Variants in NPAS3 observed in about 807,000 individuals in gnomAD.
NPAS3 encodes neuronal PAS domain-containing protein 3.
A neutral mutation model predicts 73.1 loss-of-function variants in NPAS3; 14 were observed. The ratio of observed to expected loss-of-function variants is 0.19; its 90% CI spans 0.13 to 0.30. NPAS3 has a LOEUF of 0.30. Ranked by LOEUF, NPAS3 falls within the 10% of genes least tolerant of loss-of-function variation. The pLI is 1.00. For missense variants in NPAS3, 1,096 were observed against 1,250.0 expected, an observed-to-expected ratio of 0.88 and a Z score of 1.86; for synonymous variants, 620 against 541.5, an observed-to-expected ratio of 1.14 and a Z score of -2.01.
intron 1 of NPAS3, among the ~76,000 whole-genome samples, chr14:33,048,540 C>G (rs1423813164): frequency 6.6e-6 from 1 of 152,200 alleles, no homozygotes; most frequent in Non-Finnish European, 1.5e-5. Flanking sequence ...GGACTCCCAC[C>G]AATCCCCATT....
chr14:33,746,171 T>TTTTA (rs528860081), intron 7 of NPAS3, among the ~76,000 whole-genome samples: 4,347 of 144,422 alleles, frequency 0.03, 107 homozygotes, highest in African/African-American at 0.057. Flanking sequence ...TTTTATTTTA[T>TTTTA]TTTATTTATT....
chr14:32,948,548 TC>T (rs1450562956), intron 1 of NPAS3, among the ~76,000 whole-genome samples: 2 of 152,106 alleles, frequency 1.3e-5, no homozygotes, highest in East Asian at 3.9e-4. Flanking sequence ...TCTCTGGAAA[TC>T]AGCAGCCATC....
At chr14:32,983,294 A>G (rs2139414625) in intron 1 of NPAS3, among the ~76,000 whole-genome samples, 1 of 152,280 alleles carries the variant, frequency 6.6e-6, no homozygotes, top group East Asian at 1.9e-4. Context: ...GACTATAAAA[A>G]TTCTCCCACT....
intron 3 of NPAS3, among the ~76,000 whole-genome samples, chr14:33,329,026 G>A (rs565784642): frequency 1.3e-5 from 2 of 151,344 alleles, no homozygotes; most frequent in African/African-American, 4.9e-5. Context: ...ATTTTTTTTG[G>A]CATTAATTTT....
chr14:33,540,692 C>A (rs755834239), intron 4 of NPAS3, among the ~76,000 whole-genome samples: 1 of 152,150 alleles, frequency 6.6e-6, no homozygotes, highest in Non-Finnish European at 1.5e-5. Context: ...CTTCAACCTC[C>A]CTCGTTCTAG....
intron 2 of NPAS3, among the ~76,000 whole-genome samples, chr14:33,159,657 C>G (rs562020034): frequency 6.6e-6 from 1 of 151,508 alleles, no homozygotes; most frequent in Non-Finnish European, 1.5e-5. Flanking sequence ...GGATTCACAC[C>G]ATTCTCCTGC....
chr14:33,555,975 T>A (rs1230624876), intron 4 of NPAS3, among the ~76,000 whole-genome samples: 1 of 151,912 alleles, frequency 6.6e-6, no homozygotes, highest in Non-Finnish European at 1.5e-5. Flanking sequence ...CCTACCAAAT[T>A]GGCCGTTATT....
At chr14:33,736,046 G>A (rs574062022) in intron 7 of NPAS3, among the ~76,000 whole-genome samples, 9 of 152,264 alleles carry the variant, frequency 5.9e-5, no homozygotes, top group South Asian at 2.1e-4. Flanking sequence ...TTTGGCAACC[G>A]GAATCTTATC....
intron 3 of NPAS3, among the ~76,000 whole-genome samples, chr14:33,306,066 A>G (rs2042741625): frequency 6.6e-6 from 1 of 152,160 alleles, no homozygotes; most frequent in Non-Finnish European, 1.5e-5. Flanking sequence ...TGTTTCCCCC[A>G]TATTCTTAAG....
chr14:33,290,363 A>G (rs1273743787), intron 3 of NPAS3, among the ~76,000 whole-genome samples: 1 of 152,218 alleles, frequency 6.6e-6, no homozygotes, highest in African/African-American at 2.4e-5. Context: ...CCTAGGAAAT[A>G]CGGCAAAACT....
intron 4 of NPAS3, among the ~76,000 whole-genome samples, chr14:33,449,759 T>TC (rs545448435): frequency 3.3e-5 from 5 of 152,026 alleles, no homozygotes; most frequent in South Asian, 2.1e-4. Context: ...CCTCTTTTAT[T>TC]CCCCCCCAGG....
chr14:33,507,922 G>A (rs554076705), intron 4 of NPAS3, among the ~76,000 whole-genome samples: 1 of 152,044 alleles, frequency 6.6e-6, no homozygotes, highest in South Asian at 2.1e-4. Flanking sequence ...ATATGTGGGT[G>A]TGTCTCTGTC....
intron 5 of NPAS3, among the ~76,000 whole-genome samples, chr14:33,592,126 A>G (rs2057090285): frequency 6.6e-6 from 1 of 152,142 alleles, no homozygotes; most frequent in South Asian, 2.1e-4. Flanking sequence ...ACCCCCTCCA[A>G]TTTGATGTGG....
At chr14:33,114,553 T>C (rs930186113) in intron 2 of NPAS3, among the ~76,000 whole-genome samples, 1 of 152,128 alleles carries the variant, frequency 6.6e-6, no homozygotes, top group African/African-American at 2.4e-5. Context: ...GGGTACTTCT[T>C]ATAAGAGTCA....
rs1262415449 is a variant in NPAS3, at chr14:33,055,765, A to G, written c.51-140A>G. ...AGTGGAAGTTAATGTTCTAAAATGTATGTACACATTGCAATTGTGTGTAGA... is the reference window on the plus strand; with the variant it reads ...AGTGGAAGTTAATGTTCTAAAATGTGTGTACACATTGCAATTGTGTGTAGA... On this transcript the variant is annotated intron_variant, in intron 1 of 11. Coordinates refer to ENST00000356141, the Ensembl canonical transcript of NPAS3. 5 of 550,046 alleles carry G rather than the reference A, an allele frequency of 9.1e-6. No individual in the cohort carries two copies. In the East Asian group the frequency reaches 1.5e-4, roughly 16 times the overall value. The allele number at this position is 550,046 out of a possible 1,614,324, so 34.1% of individuals were successfully genotyped here.
intron 1 of NPAS3, among the ~76,000 whole-genome samples, chr14:33,011,989 C>T (rs2039216522): frequency 6.6e-6 from 1 of 151,970 alleles, no homozygotes; most frequent in Admixed American, 6.6e-5. Flanking sequence ...TAGCAATAGA[C>T]CTGTTTCTCC....
intron 6 of NPAS3, among the ~76,000 whole-genome samples, chr14:33,684,763 C>G (rs2060040650): frequency 6.6e-6 from 1 of 152,242 alleles, no homozygotes; most frequent in Non-Finnish European, 1.5e-5. Flanking sequence ...CACTTGGACT[C>G]TGCTCTGTGT....
chr14:33,076,082 T>A (rs943386074), intron 2 of NPAS3, among the ~76,000 whole-genome samples: 2 of 152,182 alleles, frequency 1.3e-5, no homozygotes, highest in Non-Finnish European at 2.9e-5. Context: ...ACCCATCTTG[T>A]ATTTCTATCT....
At chr14:33,142,214 T>TTTTA (rs1425588405) in intron 2 of NPAS3, among the ~76,000 whole-genome samples, 1 of 130,444 alleles carries the variant, frequency 7.7e-6, no homozygotes, top group Non-Finnish European at 1.6e-5. Context: ...TTTTTTTTTT[T>TTTTA]ACTAAAATCT....
Sources: gnomAD v4.1 joint callset for allele counts (sites outside exome capture counted in the v4.1 genomes callset) on GRCh38, gnomAD v4.1.1 for gene constraint, MANE v1.5 for transcripts, NCBI Gene and HGNC (gene_info 2026-07-23, HGNC 2026-07-21) for gene names.